Variants in TTC7B observed in about 807,000 individuals in gnomAD.
TTC7B encodes tetratricopeptide repeat domain 7B, also known as tetratricopeptide repeat protein 7B.
A neutral mutation model predicts 106.8 loss-of-function variants in TTC7B; 28 were observed. The observed-to-expected ratio is 0.26, with a 90% confidence interval of 0.19 to 0.36. The LOEUF is 0.36. Ranked by LOEUF, TTC7B falls within the 10% of genes least tolerant of loss-of-function variation. TTC7B has a pLI of 1.00. For missense variants in TTC7B, 862 were observed against 1,076.4 expected (o/e 0.80, Z 2.79); for synonymous variants, 405 against 430.6 (o/e 0.94, Z 0.74).
At chr14:90,711,301 CAAA>C (rs1888435135) in intron 5 of TTC7B, among the ~76,000 whole-genome samples, 1 of 152,090 alleles carries the variant, frequency 6.6e-6, no homozygotes, top group Non-Finnish European at 1.5e-5. Flanking sequence ...TTTTATAACA[CAAA>C]GAAGACGGGG....
At position 90,601,226 on chromosome 14, in the gene TTC7B, TCA is replaced by T. The variant is rs778605747; in HGVS notation, c.1967-7602_1967-7601del. Among the ~76,000 whole-genome samples the T allele has an allele frequency of 1.2e-3, 187 of 152,328 alleles. 1 individual carries two copies. The highest frequency in any genetic ancestry group is 9.1e-4 in the Non-Finnish European group (62 of 68,024). On this transcript the variant is annotated intron_variant, in intron 17 of 19. Coordinates refer to ENST00000328459, the MANE Select transcript of TTC7B (RefSeq NM_001010854.2). Reference sequence around the variant, plus strand: ...CCACCCCTCAAAAATGGTACAGTCATCACAGAGTGATGCTCCCATATATACCT... The same window carrying T: ...CCACCCCTCAAAAATGGTACAGTCATCAGAGTGATGCTCCCATATATACCT...
At chr14:90,800,914 G>A (rs892322814) in intron 1 of TTC7B, among the ~76,000 whole-genome samples, 3 of 152,030 alleles carry the variant, frequency 2.0e-5, no homozygotes, top group East Asian at 1.9e-4. Flanking sequence ...AGCCAGGCAC[G>A]ATGGCTCACA....
At chr14:90,701,090 G>A (rs546993432) in intron 5 of TTC7B, among the ~76,000 whole-genome samples, 13 of 151,866 alleles carry the variant, frequency 8.6e-5, no homozygotes, top group Non-Finnish European at 1.6e-4. Context: ...CCTTGGCCTC[G>A]TTAGCGAAGG....
chr14:90,750,761 C>T (rs983064013), intron 3 of TTC7B, among the ~76,000 whole-genome samples: 1 of 152,190 alleles, frequency 6.6e-6, no homozygotes, highest in Non-Finnish European at 1.5e-5. Flanking sequence ...TGTTCCTTTC[C>T]CTCTCCCACA....
chr14:90,572,636 G>A (rs1891079514), intron 19 of TTC7B, among the ~76,000 whole-genome samples: 1 of 152,216 alleles, frequency 6.6e-6, no homozygotes, highest in Non-Finnish European at 1.5e-5. Flanking sequence ...GACAGCCTGT[G>A]TATGAAACCT....
intron 7 of TTC7B, among the ~76,000 whole-genome samples, chr14:90,686,728 T>C (rs1050213453): frequency 1.3e-5 from 2 of 152,210 alleles, no homozygotes; most frequent in Admixed American, 6.5e-5. Context: ...CTATTTATAA[T>C]AGCATCAAAA....
intron 15 of TTC7B, among the ~76,000 whole-genome samples, chr14:90,635,857 C>T (rs559457767): frequency 9.9e-5 from 15 of 151,608 alleles, no homozygotes; most frequent in South Asian, 8.3e-4. Context: ...CGGTGGCTCA[C>T]GTCTGTAATC....
intron 1 of TTC7B, 117 bp downstream of exon 1, chr14:90,816,058 C>T (rs2031163103): frequency 1.0e-6 from 1 of 969,320 alleles, no homozygotes; most frequent in Non-Finnish European, 1.2e-6. Context: ...GGCCGCAGCT[C>T]CCTCGCGGCC....
At chr14:90,650,200 T>C (rs1258837784) in intron 13 of TTC7B, among the ~76,000 whole-genome samples, 1 of 152,216 alleles carries the variant, frequency 6.6e-6, no homozygotes, top group African/African-American at 2.4e-5. Context: ...AGTTATCGAC[T>C]ATTACGCTTC....
At chr14:90,659,708 C>T (rs974066596) in intron 9 of TTC7B, among the ~76,000 whole-genome samples, 2 of 151,344 alleles carry the variant, frequency 1.3e-5, no homozygotes, top group Non-Finnish European at 2.9e-5. Context: ...TTAGGGGACA[C>T]GGGAGGAGAA....
At chr14:90,546,728 C>T (rs1014641698) in intron 19 of TTC7B, among the ~76,000 whole-genome samples, 1 of 152,258 alleles carries the variant, frequency 6.6e-6, no homozygotes, top group African/African-American at 2.4e-5. Context: ...TAACCTGCCA[C>T]TCCCTGCCCC....
At chr14:90,675,701 A>T (rs1335639455) in intron 9 of TTC7B, among the ~76,000 whole-genome samples, 2 of 152,206 alleles carry the variant, frequency 1.3e-5, no homozygotes, top group Non-Finnish European at 2.9e-5. Context: ...CCAATCTGTT[A>T]CTGTATTTCA....
chr14:90,691,055 G>T (rs4904720), intron 6 of TTC7B, among the ~76,000 whole-genome samples: 122,990 of 152,088 alleles, frequency 0.81, 50,027 homozygotes, highest in East Asian at 0.99. Context: ...TCCTGAACTG[G>T]TTTCTTAAAC....
At chr14:90,773,245 A>T (rs897447456) in intron 3 of TTC7B, among the ~76,000 whole-genome samples, 3 of 152,236 alleles carry the variant, frequency 2.0e-5, no homozygotes, top group Admixed American at 1.3e-4. Flanking sequence ...TACTCTTGTG[A>T]GAGTATTATT....
intron 8 of TTC7B, among the ~76,000 whole-genome samples, chr14:90,677,282 G>A (rs1886879316): frequency 6.6e-6 from 1 of 150,710 alleles, no homozygotes; most frequent in Non-Finnish European, 1.5e-5. Flanking sequence ...AAAACAAGAA[G>A]AAAGCAGATT....
rs752927591 is a variant in TTC7B at position 90,556,183 on chromosome 14, C to T, written c.2311-14594G>A. On this transcript the variant is annotated intron_variant, in intron 19 of 19. Coordinates refer to ENST00000328459, the MANE Select transcript of TTC7B (RefSeq NM_001010854.2). ...GGCAGCGCTGGCTGGGTGGGGGCCCCGTGGGGGCGGAGAGGAGACAGGAGG... is the reference window on the plus strand; with the variant it reads ...GGCAGCGCTGGCTGGGTGGGGGCCCTGTGGGGGCGGAGAGGAGACAGGAGG... Among the ~76,000 whole-genome samples the T allele has an allele frequency of 5.3e-5, 8 of 152,304 alleles. No homozygotes were observed. In the East Asian group the frequency reaches 5.8e-4, roughly 11 times the overall value.
At chr14:90,777,001 C>T (rs760189823) in intron 3 of TTC7B, among the ~76,000 whole-genome samples, 3 of 152,082 alleles carry the variant, frequency 2.0e-5, no homozygotes, top group South Asian at 2.1e-4. Flanking sequence ...TTTGGGAGGC[C>T]GAGGTGGGTG....
chr14:90,662,384 CA>C (rs1041104927), intron 9 of TTC7B, among the ~76,000 whole-genome samples: 44 of 152,332 alleles, frequency 2.9e-4, no homozygotes, highest in African/African-American at 1.0e-3. Context: ...GTGAGCTTAG[CA>C]GTGCAGATGG....
Position 90,742,918 on chromosome 14 carries a change from A to G in TTC7B, c.576+1874T>C, listed in dbSNP as rs1648325608. Among the ~76,000 whole-genome samples the G allele has an allele frequency of 6.6e-6, 1 of 152,190 alleles. No individual in the cohort carries two copies. Among genetic ancestry groups the G allele is most frequent in the Non-Finnish European group, 1.5e-5 (1 of 68,036 alleles). On this transcript the variant is annotated intron_variant, in intron 4 of 19. Transcript: ENST00000328459. This position sits in a 1 kb window ranked among gnomAD's most constrained non-coding sequence, Gnocchi z 4.1. ...GGCTCCAAAGTGACAGGGCTGGACA[A>G]CAGTGGAGAGTAAGCAGCAAGATAG... is the stretch of plus-strand genomic sequence containing the variant.
Sources: allele counts gnomAD v4.1 joint callset (sites outside exome capture counted in the v4.1 genomes callset), GRCh38; gene constraint gnomAD v4.1.1; non-coding constraint Gnocchi (gnomAD v3.1); transcripts MANE v1.5; gene names NCBI Gene and HGNC (gene_info 2026-07-23, HGNC 2026-07-21).